USH2A: variants seen among roughly 807,000 people sequenced by gnomAD.
USH2A encodes usherin.
In USH2A, 443 loss-of-function variants were observed where a neutral mutation model predicts 538.9. The observed-to-expected ratio is 0.82, with a 90% CI of 0.76 to 0.89. The LOEUF is 0.89. Among genes scored for constraint, USH2A ranks in the 40% least tolerant of loss-of-function variants. The pLI, the probability that USH2A is intolerant of heterozygous loss-of-function variation, is 0.00. For missense variants in USH2A, 6,633 were observed against 6,324.8 expected (o/e 1.05, Z -1.65); for synonymous variants, 2,413 against 2,273.5 (o/e 1.06, Z -1.75).
At position 216,036,541 on chromosome 1, in the gene USH2A, A is replaced by AT. The variant is rs552161030; in HGVS notation, c.6325+9889dup. Among the ~76,000 whole-genome samples the AT allele has an allele frequency of 1.6e-4, 24 of 152,226 alleles. 1 individual carries two copies. In the South Asian group the frequency reaches 4.8e-3, roughly 30 times the overall value. Reference sequence around the variant, plus strand: ...TTGTTATTATCTTTCCAAATTAAATATTTTTCTACAGCATCATAAACTTTA... The same window carrying AT: ...TTGTTATTATCTTTCCAAATTAAATATTTTTTCTACAGCATCATAAACTTTA... On this transcript the variant is annotated intron_variant, in intron 32 of 71. Transcript: ENST00000307340.
intron 47 of USH2A, among the ~76,000 whole-genome samples, chr1:215,829,392 T>C (rs1571726363): frequency 6.6e-6 from 1 of 152,174 alleles, no homozygotes; most frequent in African/African-American, 2.4e-5. Context: ...AACAGGCTGG[T>C]ATGCTATCTG....
At chr1:215,697,989 C>T (rs1173036924) in intron 61 of USH2A, among the ~76,000 whole-genome samples, 1 of 152,136 alleles carries the variant, frequency 6.6e-6, no homozygotes, top group Non-Finnish European at 1.5e-5. Context: ...CTCCCCAGCC[C>T]CTGACAGGCC....
chr1:215,675,395 C>G lies in USH2A; in HGVS notation c.12516G>C (p.Glu4172Asp). Residue 4172 changes from glutamate (E) to aspartate (D), a missense_variant, in exon 63 of 72, where the codon GAG (glutamate) becomes GAC (aspartate). Coordinates refer to ENST00000307340, the MANE Select transcript of USH2A (RefSeq NM_206933.4). ...TVHSVKSTSV[E>D]LSWSEPVNPN... ...GGTTAACAGGCTCAGACCAGCTCAG[C>G]TCAACACTGGTGGACTTCACAGAGT... The G allele has an allele frequency of 6.2e-7, 1 of 1,614,122 alleles. No individual in the cohort carries two copies. The highest frequency in any genetic ancestry group is 2.2e-5 in the East Asian group (1 of 44,872).
chr1:216,363,123 T>C (rs2038528631), intron 4 of USH2A, among the ~76,000 whole-genome samples: 1 of 152,112 alleles, frequency 6.6e-6, no homozygotes, highest in Non-Finnish European at 1.5e-5. Flanking sequence ...TTTCATCTAA[T>C]ACTGTACAGT....
In USH2A at chr1:215,782,740, T is replaced by C. The variant is rs1353682085; in HGVS notation, c.10583A>G (p.Asn3528Ser). ...GTATTTTAAAGGTATCTCAATACCATTTGATTGTATAGGTTTTCTCCAGTT... is the reference window on the plus strand; with the variant it reads ...GTATTTTAAAGGTATCTCAATACCACTTGATTGTATAGGTTTTCTCCAGTT... ...VLNWRKPIQS[N>S]GPIIYYILLR... Residue 3528 changes from asparagine to serine, a missense_variant and splice_region_variant, in exon 53 of 72, where the codon AAT (asparagine) becomes AGT (serine). Physicochemically the swap from Asn to Ser is conservative, Grantham distance 46. Coordinates refer to ENST00000307340, the MANE Select transcript of USH2A (RefSeq NM_206933.4). 3.7e-6 allele frequency: 6 copies of C among 1,613,336 alleles called. No individual in the cohort carries two copies. In the Admixed American group the frequency reaches 6.7e-5, roughly 18 times the overall value.
chr1:216,161,071 T>C (rs2102628662), intron 21 of USH2A, among the ~76,000 whole-genome samples: 1 of 152,266 alleles, frequency 6.6e-6, no homozygotes, highest in African/African-American at 2.4e-5. Flanking sequence ...TGTTTTCGAA[T>C]TTTGTCTTTA....
intron 35 of USH2A, among the ~76,000 whole-genome samples, chr1:215,975,407 C>T (rs1315623396): frequency 3.3e-5 from 5 of 152,128 alleles, no homozygotes; most frequent in Non-Finnish European, 7.3e-5. Context: ...GGACAACATC[C>T]AGAATGGTGT....
At chr1:215,690,580 C>G (rs1474149368) in intron 61 of USH2A, among the ~76,000 whole-genome samples, 1 of 152,104 alleles carries the variant, frequency 6.6e-6, no homozygotes, top group African/African-American at 2.4e-5. Context: ...AATAAACTTT[C>G]TATCTCAAAA....
chr1:216,227,514 G>T (rs971156115), intron 14 of USH2A, among the ~76,000 whole-genome samples: 1 of 151,946 alleles, frequency 6.6e-6, no homozygotes, highest in Non-Finnish European at 1.5e-5. Context: ...AATAAAGGGA[G>T]GATTTGATGG....
intron 35 of USH2A, among the ~76,000 whole-genome samples, chr1:215,978,250 G>A (rs1024413831): frequency 4.6e-5 from 7 of 152,134 alleles, no homozygotes; most frequent in African/African-American, 1.7e-4. Flanking sequence ...TGTCATTGCT[G>A]TAAAGAGGAG....
chr1:215,840,655 A>ACT (rs1341348752), intron 46 of USH2A, among the ~76,000 whole-genome samples: 1 of 152,090 alleles, frequency 6.6e-6, no homozygotes, highest in Non-Finnish European at 1.5e-5. Context: ...TTAAACGTTA[A>ACT]CTCTTGATCC....
chr1:215,782,634 T>TAA, intron 53 of USH2A, 104 bp downstream of exon 53: 1 of 1,192,910 alleles, frequency 8.4e-7, no homozygotes, highest in African/African-American at 1.5e-5. Context: ...CATACTTTTC[T>TAA]AGTGGTTAGA....
At chr1:215,856,803 C>A (rs766449832) in intron 44 of USH2A, among the ~76,000 whole-genome samples, 1 of 151,352 alleles carries the variant, frequency 6.6e-6, no homozygotes, top group African/African-American at 2.4e-5. Flanking sequence ...CCCAAACGCC[C>A]ATCAATCAAT....
rs1558341945 is a variant in USH2A at position 216,247,004 on chromosome 1, C to T, written c.2390G>A (p.Cys797Tyr). 1 of 1,614,090 alleles carries T rather than the reference C, an allele frequency of 6.2e-7. No homozygotes were observed. Among genetic ancestry groups the T allele is most frequent in the East Asian group, 2.2e-5 (1 of 44,850 alleles). Reference protein sequence around the residue: ...LDVTNCKACDCDTAGSLPGTV... With the variant: ...LDVTNCKACDYDTAGSLPGTV... Reference sequence around the variant, plus strand: ...CCCAGGGAGGGATCCAGCTGTGTCACAGTCACAGGCCTTACAATTGGTGAC... The same window carrying T: ...CCCAGGGAGGGATCCAGCTGTGTCATAGTCACAGGCCTTACAATTGGTGAC... The change falls in exon 13 of 72, where the codon TGT becomes TAT. Residue 797 changes from cysteine to tyrosine, a missense_variant. Transcript: ENST00000307340.
chr1:216,114,266 T>C (rs2032947251), intron 21 of USH2A, among the ~76,000 whole-genome samples: 1 of 152,008 alleles, frequency 6.6e-6, no homozygotes. Context: ...TATAATAGGT[T>C]TTGATGGCTT....
chr1:215,763,141 A>G (rs1339859673), intron 56 of USH2A, among the ~76,000 whole-genome samples: 1 of 152,072 alleles, frequency 6.6e-6, no homozygotes, highest in Non-Finnish European at 1.5e-5. Context: ...TCAACATTCT[A>G]CCCGACTTTG....
chr1:215,829,178 G>T lies in USH2A; in HGVS notation c.9371+8813C>A, dbSNP rs534293273. Among the ~76,000 whole-genome samples, 3 of 152,280 alleles carry T rather than the reference G, an allele frequency of 2.0e-5. No individual in the cohort carries two copies. The South Asian group carries it at 6.2e-4, about 32-fold the overall frequency. Reference sequence around the variant, plus strand: ...GTATGGAAAATGCAATGTAGAAACAGGGCTTGTCTCTGAAGCAGCAGCTTA... The same window carrying T: ...GTATGGAAAATGCAATGTAGAAACATGGCTTGTCTCTGAAGCAGCAGCTTA... On this transcript the variant is annotated intron_variant, in intron 47 of 71. Transcript: ENST00000307340.
At chr1:216,223,234 T>C (rs772729808) in intron 14 of USH2A, among the ~76,000 whole-genome samples, 2 of 152,090 alleles carry the variant, frequency 1.3e-5, no homozygotes, top group African/African-American at 2.4e-5. Context: ...AAGACAAAAC[T>C]GAAACCTGGA....
chr1:216,174,962 T>A lies in USH2A; in HGVS notation c.4627+290A>T, dbSNP rs1031689806. ...AGTGAATAATATTTCAAGAAACATG[T>A]CCTGGCACATACTTCACAAAAAGAC... On this transcript the variant is annotated intron_variant, in intron 21 of 71. Coordinates refer to ENST00000307340, the MANE Select transcript of USH2A (RefSeq NM_206933.4). 4 of 1,231,800 alleles carry A rather than the reference T, an allele frequency of 3.2e-6. No individual in the cohort carries two copies. The African/African-American group carries it at 6.2e-5, about 19-fold the overall frequency. The allele number at this position is 1,231,800 out of a possible 1,614,324, so 76.3% of individuals were successfully genotyped here.
Sources: gnomAD v4.1 joint callset for allele counts (sites outside exome capture counted in the v4.1 genomes callset) on GRCh38, gnomAD v4.1.1 for gene constraint, MANE v1.5 for transcripts, NCBI Gene and HGNC (gene_info 2026-07-23, HGNC 2026-07-21) for gene names.